The following ENPEP variants were observed in gnomAD, a reference collection of about 807,000 sequenced individuals.
ENPEP encodes glutamyl aminopeptidase, also known as AP-A.
ENPEP carries 103 observed loss-of-function variants against 114.5 expected under a neutral mutation model. The ratio of observed to expected loss-of-function variants is 0.90; its 90% CI spans 0.77 to 1.06. The LOEUF (loss-of-function observed/expected upper bound fraction) is 1.06, where lower values mean the gene tolerates loss of function less well. ENPEP is among the 50% of genes least tolerant of loss of function. The pLI is 0.00. For missense variants in ENPEP, 1,196 were observed against 1,161.3 expected (o/e 1.03, Z -0.43); for synonymous variants, 420 against 422.0 (o/e 1.00, Z 0.06).
chr4:110,497,520 A>C (rs1724988120), intron 3 of ENPEP, among the ~76,000 whole-genome samples: 1 of 152,092 alleles, frequency 6.6e-6, no homozygotes, highest in East Asian at 1.9e-4. Context: ...TTTCTTAAAA[A>C]TTATACTGCA....
chr4:110,544,101 C>T (rs1054616414), intron 13 of ENPEP, among the ~76,000 whole-genome samples: 1 of 151,940 alleles, frequency 6.6e-6, no homozygotes, highest in Non-Finnish European at 1.5e-5. Context: ...AGTCAGAAAA[C>T]CTTGACATAT....
chr4:110,480,044 T>G (rs1724253452), intron 1 of ENPEP, among the ~76,000 whole-genome samples: 1 of 152,232 alleles, frequency 6.6e-6, no homozygotes, highest in African/African-American at 2.4e-5. Context: ...CTCAGTTGAC[T>G]TAACTTTTGA....
intron 1 of ENPEP, among the ~76,000 whole-genome samples, chr4:110,486,235 T>C (rs1295048800): frequency 6.6e-6 from 1 of 152,244 alleles, no homozygotes; most frequent in Non-Finnish European, 1.5e-5. Context: ...TATCCCGTTG[T>C]TTATTGTGAT....
At chr4:110,486,688 G>T (rs1724513147) in intron 1 of ENPEP, among the ~76,000 whole-genome samples, 1 of 151,898 alleles carries the variant, frequency 6.6e-6, no homozygotes, top group Non-Finnish European at 1.5e-5. Flanking sequence ...TTATTTATTT[G>T]TGTGTCTCTT....
In ENPEP at chr4:110,565,190, G is replaced by GA. The variant is rs980465262; in HGVS notation, c.*3638dup. 6 of 152,028 alleles carry GA rather than the reference G, an allele frequency of 3.9e-5. No homozygotes were observed. Among genetic ancestry groups the GA allele is most frequent in the Admixed American group, 3.3e-4 (5 of 15,272 alleles). The allele number at this position is 152,028 out of a possible 1,614,324, so 9.4% of individuals were successfully genotyped here. On this transcript the variant is annotated 3_prime_UTR_variant, in exon 20 of 20. Coordinates refer to ENST00000265162, the MANE Select transcript of ENPEP (RefSeq NM_001977.4). ...CATAGTTTTACATTTTTAGATGGTT[G>GA]AAAAAATCAAAAGGAGAATAATAGT...
rs375973395 is a variant in ENPEP, at chr4:110,480,065, C to T, written c.644+3007C>T. Among the ~76,000 whole-genome samples the T allele has an allele frequency of 1.8e-3, 271 of 152,256 alleles. 11 individuals carry two copies. In the South Asian group the frequency reaches 0.053, roughly 30 times the overall value. ...TGACTTAACTTTTGATTGGAGATTA[C>T]GAAATGATGGCAACATCGGTGAGGA... On this transcript the variant is annotated intron_variant, in intron 1 of 19. Coordinates refer to ENST00000265162, the MANE Select transcript of ENPEP (RefSeq NM_001977.4).
intron 1 of ENPEP, among the ~76,000 whole-genome samples, chr4:110,479,477 T>C (rs1473164089): frequency 6.6e-6 from 1 of 152,152 alleles, no homozygotes; most frequent in Non-Finnish European, 1.5e-5. Flanking sequence ...CATGTATGTC[T>C]GTGTATATAT....
intron 3 of ENPEP, among the ~76,000 whole-genome samples, chr4:110,504,501 G>A (rs1274548672): frequency 6.6e-6 from 1 of 152,066 alleles, no homozygotes; most frequent in African/African-American, 2.4e-5. Context: ...AGGGGATGGG[G>A]CCACTGCACT....
intron 10 of ENPEP, among the ~76,000 whole-genome samples, chr4:110,520,861 G>C (rs1725961103): frequency 1.3e-5 from 2 of 152,134 alleles, no homozygotes. Context: ...TGTGCCAGCT[G>C]GACCCACCCC....
chr4:110,505,498 G>A lies in ENPEP; in HGVS notation c.919-1139G>A, dbSNP rs755583243. Among the ~76,000 whole-genome samples the A allele has an allele frequency of 3.9e-4, 60 of 152,244 alleles. 1 individual carries two copies. Among genetic ancestry groups the A allele is most frequent in the Admixed American group, 9.8e-4 (15 of 15,276 alleles). ...CTTTCAGAATGTGTTCTTTATATTC[G>A]TGAATCATTCCAGTGTTCTTTGCTT... On this transcript the variant is annotated intron_variant, in intron 3 of 19. Coordinates refer to ENST00000265162, the MANE Select transcript of ENPEP (RefSeq NM_001977.4).
At chr4:110,526,866 A>C (rs754896676) in intron 10 of ENPEP, among the ~76,000 whole-genome samples, 2 of 152,198 alleles carry the variant, frequency 1.3e-5, no homozygotes, top group Admixed American at 6.5e-5. Context: ...AGATGTTCCA[A>C]AGATTTTATT....
intron 1 of ENPEP, 135 bp from the exon 2 acceptor site, chr4:110,488,406 C>G: frequency 1.7e-6 from 2 of 1,203,894 alleles, no homozygotes; most frequent in Non-Finnish European, 2.2e-6. Flanking sequence ...TGATAGTCTT[C>G]TAGATGGAAC....
In ENPEP at chr4:110,509,697, T is replaced by G; in HGVS notation, c.1084T>G (p.Trp362Gly). The G allele has an allele frequency of 6.2e-7, 1 of 1,614,182 alleles. No individual in the cohort carries two copies. Among genetic ancestry groups the G allele is most frequent in the South Asian group, 1.1e-5 (1 of 91,080 alleles). ...PDFGTGAMEN[W>G]GLITYRETNL... ...TTTTGGCACTGGTGCCATGGAGAAC[T>G]GGGGACTCATCACGTACAGAGAAAC... The change falls in exon 5 of 20, where the codon TGG becomes GGG. Residue 362 changes from tryptophan to glycine, a missense_variant. Transcript: ENST00000265162.
chr4:110,495,137 G>A (rs548876533), intron 3 of ENPEP, among the ~76,000 whole-genome samples: 1 of 152,274 alleles, frequency 6.6e-6, no homozygotes, highest in African/African-American at 2.4e-5. Context: ...TGAGAGTTCA[G>A]CACAAAGTTC....
At chr4:110,545,481 C>A (rs897535895) in intron 13 of ENPEP, among the ~76,000 whole-genome samples, 2 of 152,010 alleles carry the variant, frequency 1.3e-5, no homozygotes, top group African/African-American at 4.8e-5. Context: ...TCAGGCCAGT[C>A]ACCTGCAATG....
chr4:110,513,934 ACATT>A (rs1348238604), intron 7 of ENPEP, among the ~76,000 whole-genome samples: 6 of 152,150 alleles, frequency 3.9e-5, no homozygotes, highest in African/African-American at 1.4e-4. Context: ...TCCTAGTAGA[ACATT>A]TTAATGCCTG....
rs1448803 is a variant in ENPEP at position 110,543,290 on chromosome 4, A to G, written c.2000+220A>G. Among the ~76,000 whole-genome samples the G allele has an allele frequency of 3.6e-3, 542 of 152,250 alleles. 3 individuals are homozygous for G. Among genetic ancestry groups the G allele is most frequent in the Non-Finnish European group, 5.9e-3 (403 of 67,996 alleles). On this transcript the variant is annotated intron_variant, in intron 13 of 19. Transcript: ENST00000265162. ...AGCCCTTAAGGTATACACAAAAACAAACCTAACTTATTGACTTTGAGTATG... is the reference window on the plus strand; with the variant it reads ...AGCCCTTAAGGTATACACAAAAACAGACCTAACTTATTGACTTTGAGTATG...
At chr4:110,508,177 T>C (rs1385883076) in intron 4 of ENPEP, among the ~76,000 whole-genome samples, 4 of 150,906 alleles carry the variant, frequency 2.7e-5, no homozygotes, top group East Asian at 2.0e-4. Flanking sequence ...GAATTAATTA[T>C]ATCTTAGACT....
At chr4:110,553,190 T>A in intron 17 of ENPEP, 125 bp from the exon 18 acceptor site, 1 of 815,114 alleles carries the variant, frequency 1.2e-6, no homozygotes, top group Non-Finnish European at 1.8e-6. Context: ...CATATTTAAT[T>A]AACTTTGTCA....
Sources: gnomAD v4.1 joint callset for allele counts (sites outside exome capture counted in the v4.1 genomes callset) on GRCh38, gnomAD v4.1.1 for gene constraint, MANE v1.5 for transcripts, NCBI Gene and HGNC (gene_info 2026-07-23, HGNC 2026-07-21) for gene names.